WDR19: variants seen among roughly 807,000 people sequenced by gnomAD.
WDR19 encodes the protein WD repeat domain 19, also known as WD repeat-containing protein 19.
WDR19 carries 121 observed loss-of-function variants against 180.0 expected under a neutral mutation model. The ratio of observed to expected loss-of-function variants is 0.67; its 90% CI spans 0.58 to 0.78. WDR19 has a LOEUF of 0.78. Ranked by LOEUF, WDR19 falls within the 30% of genes least tolerant of loss-of-function variation. The probability of loss-of-function intolerance (pLI) is 0.00; values close to 1 mark genes in which losing one functional copy is unlikely to be tolerated. For synonymous variants in WDR19, 497 were observed against 540.7 expected (o/e 0.92, Z 1.12); for missense variants, 1,450 against 1,640.7 (o/e 0.88, Z 2.01).
chr4:39,203,373 G>A (rs143720425), intron 6 of WDR19, among the ~76,000 whole-genome samples: 1 of 152,200 alleles, frequency 6.6e-6, no homozygotes, highest in East Asian at 1.9e-4. Context: ...GATAGCTGCA[G>A]CATCAGTTTC....
intron 24 of WDR19, among the ~76,000 whole-genome samples, chr4:39,252,110 A>C (rs868802652): frequency 1.3e-5 from 2 of 152,108 alleles, no homozygotes; most frequent in African/African-American, 2.4e-5. Context: ...AACCAACCCA[A>C]ATGTCCAACA....
chr4:39,183,503 G>C (rs1207602872), intron 1 of WDR19, among the ~76,000 whole-genome samples: 1 of 152,096 alleles, frequency 6.6e-6, no homozygotes, highest in African/African-American at 2.4e-5. Context: ...CCGACCTCGG[G>C]CTCCCAAAGT....
chr4:39,225,078 A>G (rs200682195), intron 15 of WDR19, 45 bp downstream of exon 15: 1 of 1,445,680 alleles, frequency 6.9e-7, no homozygotes, highest in Non-Finnish European at 9.1e-7. Flanking sequence ...GAAATGCAAT[A>G]TAGGGAAAAA....
intron 9 of WDR19, among the ~76,000 whole-genome samples, chr4:39,210,835 A>G (rs1207453044): frequency 6.6e-6 from 1 of 152,298 alleles, no homozygotes; most frequent in South Asian, 2.1e-4. Flanking sequence ...AATTACCTCA[A>G]TTTGATAAAG....
At chr4:39,283,187 T>TATCA (rs1736744132) in intron 36 of WDR19, among the ~76,000 whole-genome samples, 1 of 152,216 alleles carries the variant, frequency 6.6e-6, no homozygotes, top group African/African-American at 2.4e-5. Flanking sequence ...GCTTTTTCTC[T>TATCA]ATCAATTGAG....
chr4:39,233,723 A>C (rs2109373364), intron 19 of WDR19, among the ~76,000 whole-genome samples: 1 of 152,336 alleles, frequency 6.6e-6, no homozygotes, highest in Middle Eastern at 3.4e-3. Flanking sequence ...ATTTTACAGT[A>C]TTATTTAAGA....
chr4:39,253,676 G>A (rs1042269624), intron 25 of WDR19, among the ~76,000 whole-genome samples: 2 of 152,034 alleles, frequency 1.3e-5, no homozygotes, highest in African/African-American at 4.8e-5. Flanking sequence ...CTACTTGGGA[G>A]GCTGAGGCAG....
chr4:39,194,920 A>G (rs556268484), intron 5 of WDR19: 2 of 399,214 alleles, frequency 5.0e-6, no homozygotes, highest in South Asian at 1.1e-4. Context: ...CATGGCTTCC[A>G]TTTGTCCTTT....
chr4:39,203,612 T>G, intron 6 of WDR19, 30 bp from the exon 7 acceptor site: 1 of 1,564,932 alleles, frequency 6.4e-7, no homozygotes, highest in Non-Finnish European at 8.8e-7. Context: ...ATTGGGTTTG[T>G]TCATAGTGAT....
chr4:39,251,803 A>G (rs920228922), intron 24 of WDR19, among the ~76,000 whole-genome samples: 2 of 152,180 alleles, frequency 1.3e-5, no homozygotes, highest in African/African-American at 4.8e-5. Context: ...CAAAACCACA[A>G]TGAGATACCA....
At position 39,197,694 on chromosome 4, in the gene WDR19, C is replaced by T. The variant is rs145097448; in HGVS notation, c.407-1784C>T. Among the ~76,000 whole-genome samples, 315 of 152,100 alleles carry T rather than the reference C, an allele frequency of 2.1e-3. 7 individuals carry two copies. The East Asian group carries it at 0.031, about 15-fold the overall frequency. On this transcript the variant is annotated intron_variant, in intron 5 of 36. Coordinates refer to ENST00000399820, the MANE Select transcript of WDR19 (RefSeq NM_025132.4). ...TAGTTTTTGCACTGACTGGAAAGCT[C>T]AATGAAAAAGCTTCCCAATAGTTAG...
intron 36 of WDR19, among the ~76,000 whole-genome samples, chr4:39,283,531 T>G (rs1185539533): frequency 1.3e-5 from 2 of 152,178 alleles, no homozygotes; most frequent in Non-Finnish European, 2.9e-5. Context: ...GTATTTCATT[T>G]GATTCTTCTA....
chr4:39,242,233 T>A (rs1167701235), intron 21 of WDR19, among the ~76,000 whole-genome samples: 5 of 151,880 alleles, frequency 3.3e-5, no homozygotes, highest in Non-Finnish European at 7.4e-5. Flanking sequence ...CCCAGATAAT[T>A]TTTTATTTTT....
At chr4:39,216,754 T>A (rs899380715) in intron 12 of WDR19, among the ~76,000 whole-genome samples, 3 of 152,120 alleles carry the variant, frequency 2.0e-5, no homozygotes, top group African/African-American at 7.2e-5. Context: ...CTCCTCCCCA[T>A]CACCTTTCCC....
At position 39,205,682 on chromosome 4, in the gene WDR19, C is replaced by T; in HGVS notation, c.836C>T (p.Thr279Ile). The T allele has an allele frequency of 6.2e-7, 1 of 1,611,198 alleles. No homozygotes were observed. The highest frequency in any genetic ancestry group is 8.5e-7 in the Non-Finnish European group (1 of 1,178,524). The change falls in exon 9 of 37, where the codon ACC (threonine) becomes ATC (isoleucine). Residue 279 changes from threonine to isoleucine, a missense_variant. By Grantham distance (89) the Thr-to-Ile change is moderately conservative. Transcript: ENST00000399820. ...FQARNHKDNL[T>I]SIAVSQTLNK... ...GCTCGTAACCATAAAGATAATCTAA[C>T]CAGCATTGCAGTATCACAGACTCTT...
In WDR19 at chr4:39,234,979, T is replaced by G. The variant is rs1271507949; in HGVS notation, c.2363+104T>G. 4.4e-6 allele frequency: 3 copies of G among 679,004 alleles called. No individual in the cohort carries two copies. The East Asian group carries it at 8.3e-5, about 19-fold the overall frequency. The allele number at this position is 679,004 out of a possible 1,614,324, so 42.1% of individuals were successfully genotyped here. A position where few individuals can be genotyped will look rare whatever the true frequency, so the allele number is the denominator to read the frequency against. On this transcript the variant is annotated intron_variant, in intron 20 of 36. Coordinates refer to ENST00000399820, the MANE Select transcript of WDR19 (RefSeq NM_025132.4). ...AAGGCCCTCCATTGATTTAATAATT[T>G]TTTTAGAGAAAAAATACTGTATTAA...
chr4:39,238,256 G>A (rs1731569214), intron 20 of WDR19, among the ~76,000 whole-genome samples: 1 of 152,154 alleles, frequency 6.6e-6, no homozygotes, highest in African/African-American at 2.4e-5. Context: ...CAACAGTCTT[G>A]TTTCATTATG....
chr4:39,244,214 A>G (rs1435201599), intron 21 of WDR19, 34 bp from the exon 22 acceptor site: 1 of 1,601,100 alleles, frequency 6.2e-7, no homozygotes, highest in Non-Finnish European at 8.5e-7. Flanking sequence ...TTAAGCTAGA[A>G]TCTGATTTGT....
At chr4:39,256,375 A>G (rs1733762458) in intron 27 of WDR19, among the ~76,000 whole-genome samples, 1 of 152,212 alleles carries the variant, frequency 6.6e-6, no homozygotes, top group African/African-American at 2.4e-5. Context: ...GGACATCATA[A>G]GTGAAGCTAT....
Sources: gnomAD v4.1 joint callset for allele counts (sites outside exome capture counted in the v4.1 genomes callset) on GRCh38, gnomAD v4.1.1 for gene constraint, MANE v1.5 for transcripts, NCBI Gene and HGNC (gene_info 2026-07-23, HGNC 2026-07-21) for gene names.